Variants in FCHSD2 observed in about 807,000 individuals in gnomAD.
The protein encoded by FCHSD2 is FCH and double SH3 domains 2.
FCHSD2 carries 38 observed loss-of-function variants against 108.1 expected under a neutral mutation model. The ratio of observed to expected loss-of-function variants is 0.35; its 90% CI spans 0.27 to 0.46. The LOEUF (loss-of-function observed/expected upper bound fraction) is 0.46. Among genes scored for constraint, FCHSD2 ranks in the 20% least tolerant of loss-of-function variants. FCHSD2 has a pLI of 1.00. For synonymous variants in FCHSD2, 279 were observed against 314.7 expected, an observed-to-expected ratio of 0.89 and a Z score of 1.20; for missense variants, 751 against 897.8, an observed-to-expected ratio of 0.84 and a Z score of 2.09.
chr11:72,870,652 G>A (rs1009604793), intron 12 of FCHSD2, among the ~76,000 whole-genome samples: 20 of 152,170 alleles, frequency 1.3e-4, no homozygotes, highest in East Asian at 7.7e-4. Flanking sequence ...TGTAATCCCA[G>A]CACTTTGGGA....
At chr11:72,980,820 T>C (rs1857202716) in intron 8 of FCHSD2, among the ~76,000 whole-genome samples, 1 of 151,984 alleles carries the variant, frequency 6.6e-6, no homozygotes, top group African/African-American at 2.4e-5. Flanking sequence ...GGATAAGTAG[T>C]ATGTCTTACT....
intron 12 of FCHSD2, among the ~76,000 whole-genome samples, chr11:72,873,149 G>A (rs953313809): frequency 1.3e-5 from 2 of 151,916 alleles, no homozygotes; most frequent in Non-Finnish European, 2.9e-5. Flanking sequence ...CCAACACAGT[G>A]AAACCCCATC....
intron 3 of FCHSD2, among the ~76,000 whole-genome samples, chr11:73,032,910 A>T (rs1349643130): frequency 1.3e-5 from 2 of 152,196 alleles, no homozygotes; most frequent in African/African-American, 4.8e-5. Flanking sequence ...CAGGAAATCA[A>T]GCTTGCGAGC....
At chr11:73,093,454 T>C (rs972687781) in intron 2 of FCHSD2, among the ~76,000 whole-genome samples, 3 of 152,130 alleles carry the variant, frequency 2.0e-5, no homozygotes, top group African/African-American at 7.2e-5. Flanking sequence ...GAAGGAGGTA[T>C]TAGGGATTCT....
intron 13 of FCHSD2, among the ~76,000 whole-genome samples, chr11:72,854,941 C>T (rs931439259): frequency 1.3e-5 from 2 of 151,960 alleles, no homozygotes; most frequent in African/African-American, 4.8e-5. Context: ...AGTTCGAGAC[C>T]AGCCTGGCCA....
chr11:73,010,059 T>A (rs1857828894), intron 4 of FCHSD2, among the ~76,000 whole-genome samples: 1 of 152,236 alleles, frequency 6.6e-6, no homozygotes, highest in South Asian at 2.1e-4. Context: ...CACTTTATGT[T>A]GTCCCATATA....
intron 8 of FCHSD2, among the ~76,000 whole-genome samples, chr11:72,955,342 T>C (rs1565340206): frequency 6.6e-6 from 1 of 152,164 alleles, no homozygotes; most frequent in Non-Finnish European, 1.5e-5. Flanking sequence ...ATAGAAGAAA[T>C]GCATAGGGCA....
At chr11:72,940,351 C>T (rs932173942) in intron 8 of FCHSD2, 7 of 428,378 alleles carry the variant, frequency 1.6e-5, no homozygotes, top group Non-Finnish European at 2.9e-5. Context: ...TAATTAGAAA[C>T]ATGCTAGTTT....
intron 3 of FCHSD2, among the ~76,000 whole-genome samples, chr11:73,081,172 A>G (rs926659547): frequency 2.6e-5 from 4 of 152,176 alleles, no homozygotes; most frequent in Non-Finnish European, 5.9e-5. Flanking sequence ...ACTGTGGCTC[A>G]TGCCTGAAAT....
chr11:73,001,677 A>G (rs368051476), intron 4 of FCHSD2, among the ~76,000 whole-genome samples: 5 of 152,320 alleles, frequency 3.3e-5, no homozygotes, highest in African/African-American at 1.2e-4. Context: ...CTGGAAAAAT[A>G]TATCATGAAC....
chr11:73,059,933 T>C (rs1036673116), intron 3 of FCHSD2, among the ~76,000 whole-genome samples: 1 of 152,246 alleles, frequency 6.6e-6, no homozygotes, highest in Non-Finnish European at 1.5e-5. Context: ...AATTCTACCC[T>C]AAACTGTACC....
chr11:72,893,323 T>C (rs910300199), intron 10 of FCHSD2, among the ~76,000 whole-genome samples: 6 of 151,924 alleles, frequency 3.9e-5, no homozygotes, highest in African/African-American at 1.5e-4. Flanking sequence ...TTTTAACATT[T>C]TTCTTTTTGG....
intron 3 of FCHSD2, among the ~76,000 whole-genome samples, chr11:73,081,700 G>A (rs926359790): frequency 4.0e-5 from 6 of 151,874 alleles, no homozygotes; most frequent in Non-Finnish European, 5.9e-5. Context: ...CTAAAATAGC[G>A]TATCACAGAC....
intron 12 of FCHSD2, among the ~76,000 whole-genome samples, chr11:72,886,426 C>T (rs1394008827): frequency 3.3e-5 from 5 of 152,182 alleles, no homozygotes; most frequent in African/African-American, 1.2e-4. Context: ...CTGTGTTACA[C>T]CCGCAACAAT....
chr11:72,934,219 G>A (rs1164116037), intron 8 of FCHSD2, among the ~76,000 whole-genome samples: 1 of 150,216 alleles, frequency 6.7e-6, no homozygotes, highest in Non-Finnish European at 1.5e-5. Flanking sequence ...TCTGTATCTT[G>A]TCTAGCATTT....
intron 2 of FCHSD2, among the ~76,000 whole-genome samples, chr11:73,085,474 G>A (rs1859793518): frequency 6.6e-6 from 1 of 152,108 alleles, no homozygotes; most frequent in African/African-American, 2.4e-5. Context: ...ATGACTTTCG[G>A]AGGATTTAAA....
intron 3 of FCHSD2, among the ~76,000 whole-genome samples, chr11:73,057,896 T>C (rs933877645): frequency 6.6e-6 from 1 of 151,654 alleles, no homozygotes; most frequent in African/African-American, 2.4e-5. Flanking sequence ...TTTTTTTTTT[T>C]TGAGACAGAG....
intron 3 of FCHSD2, among the ~76,000 whole-genome samples, chr11:73,080,451 A>G (rs759503882): frequency 5.3e-5 from 8 of 152,154 alleles, no homozygotes; most frequent in Non-Finnish European, 1.0e-4. Context: ...CTATGTGCAT[A>G]TATGTATTTA....
intron 12 of FCHSD2, among the ~76,000 whole-genome samples, chr11:72,873,678 G>GT (rs1490883027): frequency 4.0e-5 from 6 of 151,800 alleles, no homozygotes; most frequent in South Asian, 2.1e-4. Flanking sequence ...TACCCCTGTG[G>GT]TTTTTTTTGT....
Sources: allele counts gnomAD v4.1 joint callset (sites outside exome capture counted in the v4.1 genomes callset), GRCh38; gene constraint gnomAD v4.1.1; transcripts MANE v1.5; gene names NCBI Gene and HGNC (gene_info 2026-07-23, HGNC 2026-07-21).